The following TMEFF2 variants were observed in gnomAD, a reference collection of about 807,000 sequenced individuals.
TMEFF2 encodes tomoregulin-2.
A neutral mutation model predicts 53.8 loss-of-function variants in TMEFF2; 28 were observed. The observed-to-expected ratio is 0.52, with a 90% CI of 0.39 to 0.71. The LOEUF is 0.71. Ranked by LOEUF, TMEFF2 falls within the 30% of genes least tolerant of loss-of-function variation. TMEFF2 has a pLI of 0.00. For synonymous variants in TMEFF2, 162 were observed against 166.3 expected (o/e 0.97, Z 0.20); for missense variants, 353 against 455.2 (o/e 0.78, Z 2.04).
At chr2:191,972,708 A>C (rs1041938832) in intron 7 of TMEFF2, among the ~76,000 whole-genome samples, 1 of 152,182 alleles carries the variant, frequency 6.6e-6, no homozygotes, top group Non-Finnish European at 1.5e-5. Flanking sequence ...ATGTATTGCA[A>C]AATGGTAGGA....
chr2:192,177,362 G>A (rs1329847937), intron 4 of TMEFF2: 1 of 151,036 alleles, frequency 6.6e-6, no homozygotes, highest in Non-Finnish European at 1.5e-5. Context: ...AGGTTTTTAG[G>A]TTTTAGTTAC....
chr2:192,070,030 A>C (rs377051685), intron 4 of TMEFF2, among the ~76,000 whole-genome samples: 1 of 130,440 alleles, frequency 7.7e-6, no homozygotes, highest in African/African-American at 3.0e-5. Flanking sequence ...ATATATATAT[A>C]TATATATATA....
chr2:192,058,195 A>C (rs1395539635), intron 4 of TMEFF2, among the ~76,000 whole-genome samples: 2 of 152,178 alleles, frequency 1.3e-5, no homozygotes, highest in Non-Finnish European at 2.9e-5. Context: ...GTTCAAAGAA[A>C]GTTTTCATGT....
chr2:192,139,004 A>T (rs1690075015), intron 4 of TMEFF2, among the ~76,000 whole-genome samples: 1 of 152,214 alleles, frequency 6.6e-6, no homozygotes, highest in South Asian at 2.1e-4. Flanking sequence ...TCGATGAGAA[A>T]AATAAAGAAT....
At chr2:192,120,527 C>G (rs962816104) in intron 4 of TMEFF2, among the ~76,000 whole-genome samples, 2 of 152,162 alleles carry the variant, frequency 1.3e-5, no homozygotes, top group Non-Finnish European at 2.9e-5. Flanking sequence ...TAAAATCCAA[C>G]TTGTTCTTCC....
At chr2:191,988,740 A>G (rs1325541868) in intron 7 of TMEFF2, among the ~76,000 whole-genome samples, 2 of 152,106 alleles carry the variant, frequency 1.3e-5, no homozygotes, top group African/African-American at 2.4e-5. Context: ...TTTCTAATCT[A>G]TGACACACAC....
chr2:192,004,033 G>T (rs530299060), intron 5 of TMEFF2, among the ~76,000 whole-genome samples: 4 of 152,036 alleles, frequency 2.6e-5, no homozygotes, highest in Admixed American at 6.6e-5. Flanking sequence ...CAAGGGCAAG[G>T]TGTTTTACTT....
chr2:192,149,396 G>C (rs959752680), intron 4 of TMEFF2, among the ~76,000 whole-genome samples: 6 of 151,922 alleles, frequency 3.9e-5, no homozygotes, highest in Admixed American at 6.6e-5. Flanking sequence ...GCATAGTGAG[G>C]GGGGAGGAAG....
rs895019151 is a variant in TMEFF2, at chr2:191,950,389, G to C, written c.1047C>G (p.Asn349Lys). Residue 349 changes from asparagine (N) to lysine (K), a missense_variant, in exon 10 of 10, where the codon AAC becomes AAG. Transcript: ENST00000272771. Reference protein sequence around the residue: ...LCITRKCPRSNRIHRQKQNTG... With the variant: ...LCITRKCPRSKRIHRQKQNTG... ...TATTTTGCTTCTGTCTGTGAATTCTGTTGCTTCTGGGGCATTTCCTGGAAG... is the reference window on the plus strand; with the variant it reads ...TATTTTGCTTCTGTCTGTGAATTCTCTTGCTTCTGGGGCATTTCCTGGAAG... 2 of 1,613,874 alleles carry C rather than the reference G, an allele frequency of 1.2e-6. No homozygotes were observed. The highest frequency in any genetic ancestry group is 2.2e-5 in the South Asian group (2 of 91,056).
At chr2:192,163,130 G>C (rs2106013548) in intron 4 of TMEFF2, among the ~76,000 whole-genome samples, 1 of 152,270 alleles carries the variant, frequency 6.6e-6, no homozygotes, top group Non-Finnish European at 1.5e-5. Context: ...CTGTGAACTG[G>C]GAAACTGAAG....
At chr2:192,007,196 T>TG (rs1372548163) in intron 5 of TMEFF2, among the ~76,000 whole-genome samples, 11 of 152,222 alleles carry the variant, frequency 7.2e-5, no homozygotes, top group African/African-American at 2.7e-4. Context: ...TTTATTCATA[T>TG]GGCACATACT....
At chr2:192,044,544 T>C (rs922049749) in intron 5 of TMEFF2, 2 of 152,214 alleles carry the variant, frequency 1.3e-5, no homozygotes, top group Non-Finnish European at 2.9e-5. Context: ...TGCTTTTCAC[T>C]AGTTTTCAGT....
rs1331065027 is a variant in TMEFF2, at chr2:192,075,308, T to TAAATATATATATATATATAAATATAA, written c.440-17534_440-17533insTTATATTTATATATATATATATATTT. On this transcript the variant is annotated intron_variant, in intron 4 of 9. Coordinates refer to ENST00000272771, the MANE Select transcript of TMEFF2 (RefSeq NM_016192.4). ...TATTATATATATATATATATATATA[T>TAAATATATATATATATATAAATATAA]ATATATATATATATATATATATATA... 2.4e-4 allele frequency among the ~76,000 whole-genome samples: 16 copies of TAAATATATATATATATATAAATATAA among 67,940 alleles called. 2 individuals carry two copies. The highest frequency in any genetic ancestry group is 1.1e-3 in the East Asian group (3 of 2,746). The allele number at this position is 67,940 out of a possible 152,430, so 44.6% of individuals were successfully genotyped here.
At chr2:192,117,716 A>G (rs1251208409) in intron 4 of TMEFF2, among the ~76,000 whole-genome samples, 1 of 151,914 alleles carries the variant, frequency 6.6e-6, no homozygotes, top group Non-Finnish European at 1.5e-5. Context: ...ATTGGTTTCT[A>G]TCTCACAACC....
chr2:192,176,067 A>G (rs1691034936), intron 4 of TMEFF2, among the ~76,000 whole-genome samples: 1 of 151,356 alleles, frequency 6.6e-6, no homozygotes, highest in Admixed American at 6.6e-5. Flanking sequence ...TTGCTTAAGG[A>G]AGTCTGTGGG....
intron 7 of TMEFF2, among the ~76,000 whole-genome samples, chr2:191,978,843 T>C (rs1434431098): frequency 8.5e-5 from 13 of 152,176 alleles, no homozygotes; most frequent in Admixed American, 8.5e-4. Context: ...TTTCTTCTTA[T>C]GGTGAATTCC....
At chr2:192,150,253 A>T (rs1422623330) in intron 4 of TMEFF2, among the ~76,000 whole-genome samples, 2 of 151,970 alleles carry the variant, frequency 1.3e-5, no homozygotes, top group Non-Finnish European at 2.9e-5. Flanking sequence ...ACACACAAGA[A>T]TTGTTATTAA....
In TMEFF2 at chr2:192,001,467, CAGAA is replaced by C. The variant is rs550476700; in HGVS notation, c.537-2263_537-2260del. Reference sequence around the variant, plus strand: ...TGAAAAAGTCACATATATATATAGACAGAAAGTAATTGGCAGTTCAGAAACCCAT... The same window carrying C: ...TGAAAAAGTCACATATATATATAGACAGTAATTGGCAGTTCAGAAACCCAT... On this transcript the variant is annotated intron_variant, in intron 5 of 9. Coordinates refer to ENST00000272771, the MANE Select transcript of TMEFF2 (RefSeq NM_016192.4). 6.6e-5 allele frequency among the ~76,000 whole-genome samples: 10 copies of C among 151,968 alleles called. No homozygotes were observed. In the South Asian group the frequency reaches 1.9e-3, roughly 28 times the overall value.
intron 4 of TMEFF2, among the ~76,000 whole-genome samples, chr2:192,080,751 C>T (rs930652750): frequency 1.2e-4 from 18 of 152,116 alleles, no homozygotes; most frequent in African/African-American, 4.1e-4. Flanking sequence ...AAACCCCATA[C>T]ATGTACTTAT....
Sources: gnomAD v4.1 joint callset for allele counts (sites outside exome capture counted in the v4.1 genomes callset) on GRCh38, gnomAD v4.1.1 for gene constraint, MANE v1.5 for transcripts, NCBI Gene and HGNC (gene_info 2026-07-23, HGNC 2026-07-21) for gene names.